ROBO2: variants seen among roughly 807,000 people sequenced by gnomAD.
ROBO2 encodes roundabout guidance receptor 2.
In ROBO2, 53 loss-of-function variants were observed where a neutral mutation model predicts 160.8. That is an observed-to-expected ratio of 0.33 (90% CI 0.26 to 0.41). ROBO2 has a LOEUF of 0.41. Ranked by LOEUF, ROBO2 falls within the 10% of genes least tolerant of loss-of-function variation. The pLI is 1.00. For missense variants in ROBO2, 1,577 were observed against 1,722.4 expected (o/e 0.92, Z 1.49); for synonymous variants, 664 against 611.7 (o/e 1.09, Z -1.26).
At chr3:77,545,584 G>T (rs1321694921) in intron 6 of ROBO2, among the ~76,000 whole-genome samples, 1 of 152,020 alleles carries the variant, frequency 6.6e-6, no homozygotes, top group Admixed American at 6.6e-5. Context: ...TTTTGTCATT[G>T]TCATTGTGTT....
At chr3:75,982,616 A>G (rs569390628) in intron 2 of ROBO2, among the ~76,000 whole-genome samples, 4 of 151,506 alleles carry the variant, frequency 2.6e-5, no homozygotes, top group Admixed American at 6.6e-5. Flanking sequence ...ATTTTACAGT[A>G]GAAGAAAATA....
intron 2 of ROBO2, among the ~76,000 whole-genome samples, chr3:77,252,995 C>A (rs1160486127): frequency 1.3e-5 from 2 of 150,656 alleles, no homozygotes; most frequent in Non-Finnish European, 3.0e-5. Context: ...TATGGATGTC[C>A]CAAAGTTAAC....
intron 2 of ROBO2, among the ~76,000 whole-genome samples, chr3:76,896,349 G>A (rs573158011): frequency 2.6e-4 from 40 of 151,866 alleles, no homozygotes; most frequent in Non-Finnish European, 5.6e-4. Flanking sequence ...CTCAATCTTT[G>A]AGCTCTTCAT....
At chr3:76,297,081 C>G (rs752623051) in intron 2 of ROBO2, among the ~76,000 whole-genome samples, 5 of 152,178 alleles carry the variant, frequency 3.3e-5, no homozygotes, top group Non-Finnish European at 4.4e-5. Flanking sequence ...TCTTCCTACT[C>G]TTCAGTTAGT....
chr3:77,183,628 T>C (rs1337496120), intron 2 of ROBO2, among the ~76,000 whole-genome samples: 6 of 152,022 alleles, frequency 3.9e-5, no homozygotes. Context: ...TGAAACAATA[T>C]ATTTCTTTTG....
intron 2 of ROBO2, among the ~76,000 whole-genome samples, chr3:76,076,160 T>C (rs1275466750): frequency 6.6e-6 from 1 of 152,218 alleles, no homozygotes; most frequent in Non-Finnish European, 1.5e-5. Context: ...GGGGTTTGAA[T>C]GTCGTTTACT....
intron 2 of ROBO2, among the ~76,000 whole-genome samples, chr3:76,701,273 A>G (rs543222129): frequency 6.6e-6 from 1 of 152,234 alleles, no homozygotes; most frequent in African/African-American, 2.4e-5. Context: ...GCATAATCAA[A>G]AGTAATTTTG....
rs73841060 is a variant in ROBO2, at chr3:75,971,650, C to A, written c.109+34048C>A. Among the ~76,000 whole-genome samples the A allele has an allele frequency of 7.0e-3, 1,053 of 151,394 alleles. 16 individuals carry two copies. The highest frequency in any genetic ancestry group is 0.024 in the African/African-American group (975 of 41,422). ...TAAAAATTAGCTATTTTTTGAAGTA[C>A]AAATTCTAATAAATTCTATAACTTT... is the stretch of plus-strand genomic sequence containing the variant. On this transcript the variant is annotated intron_variant, in intron 2 of 26. Coordinates refer to the ROBO2 transcript ENST00000487694.
At chr3:76,636,846 A>G (rs769034549) in intron 2 of ROBO2, among the ~76,000 whole-genome samples, 22 of 70,674 alleles carry the variant, frequency 3.1e-4, no homozygotes, top group Non-Finnish European at 6.8e-4. Flanking sequence ...GCAGGGTGAC[A>G]ATAGGTGATT....
intron 2 of ROBO2, among the ~76,000 whole-genome samples, chr3:77,132,678 A>G (rs1345469044): frequency 6.6e-6 from 1 of 151,724 alleles, no homozygotes; most frequent in African/African-American, 2.4e-5. Flanking sequence ...AAGAGTCACT[A>G]CATCTCTTTT....
chr3:77,311,972 G>T lies in ROBO2; in HGVS notation c.389-165442G>T, dbSNP rs950755734. Among the ~76,000 whole-genome samples the T allele has an allele frequency of 1.4e-4, 22 of 152,142 alleles. No homozygotes were observed. The East Asian group carries it at 4.3e-3, about 29-fold the overall frequency. ...GTGACGGTGCATACCTGTAATCCCA[G>T]CTACTGGGGAGGCTGAGGCAGGAGA... On this transcript the variant is annotated intron_variant, in intron 2 of 25. Coordinates refer to ENST00000461745, the Ensembl canonical transcript of ROBO2.
intron 2 of ROBO2, among the ~76,000 whole-genome samples, chr3:76,273,339 G>T (rs1350429705): frequency 6.6e-6 from 1 of 151,408 alleles, no homozygotes; most frequent in Non-Finnish European, 1.5e-5. Flanking sequence ...CTCAGGAGTA[G>T]GTCATTTTAT....
chr3:77,620,789 T>A (rs1476124298), intron 22 of ROBO2, among the ~76,000 whole-genome samples: 2 of 152,196 alleles, frequency 1.3e-5, no homozygotes, highest in Non-Finnish European at 2.9e-5. Flanking sequence ...TTTCCCCAAA[T>A]CATGCAAATG....
chr3:76,709,092 G>A (rs137914132), intron 2 of ROBO2, among the ~76,000 whole-genome samples: 449 of 152,252 alleles, frequency 2.9e-3, no homozygotes, highest in Admixed American at 5.4e-3. Flanking sequence ...CTAAATCTGA[G>A]CTCTCTATGA....
chr3:77,564,028 G>A (rs1368982066), intron 11 of ROBO2, among the ~76,000 whole-genome samples: 3 of 152,062 alleles, frequency 2.0e-5, no homozygotes, highest in South Asian at 2.1e-4. Context: ...GTGCTTCTAC[G>A]TGACAGTATA....
In ROBO2 at chr3:76,275,991, A is replaced by G. The variant is rs953613589; in HGVS notation, c.109+338389A>G. ...ATTTTAATTAAAAATCAAATATACA[A>G]TTTAAATACATAAAGGGATGCTGAT... On this transcript the variant is annotated intron_variant, in intron 2 of 26. Transcript: ENST00000487694. Among the ~76,000 whole-genome samples, 9 of 152,174 alleles carry G rather than the reference A, an allele frequency of 5.9e-5. No homozygotes were observed. In the East Asian group the frequency reaches 1.7e-3, roughly 29 times the overall value.
chr3:76,385,097 C>G (rs1271172182), intron 2 of ROBO2, among the ~76,000 whole-genome samples: 1 of 152,122 alleles, frequency 6.6e-6, no homozygotes, highest in African/African-American at 2.4e-5. Flanking sequence ...CAGGCTCAAA[C>G]TATCCTTCCA....
At chr3:77,238,992 T>C (rs757110429) in intron 2 of ROBO2, among the ~76,000 whole-genome samples, 19 of 152,110 alleles carry the variant, frequency 1.2e-4, no homozygotes, top group Non-Finnish European at 8.8e-5. Context: ...AATACCAAAA[T>C]CTGCAGATGC....
chr3:76,830,137 A>G (rs1478650370), intron 2 of ROBO2, among the ~76,000 whole-genome samples: 1 of 152,224 alleles, frequency 6.6e-6, no homozygotes, highest in South Asian at 2.1e-4. Flanking sequence ...AGATTTTACA[A>G]TGGTTTCCAG....
Sources: allele counts gnomAD v4.1 joint callset (sites outside exome capture counted in the v4.1 genomes callset), GRCh38; gene constraint gnomAD v4.1.1; transcripts MANE v1.5; gene names NCBI Gene and HGNC (gene_info 2026-07-23, HGNC 2026-07-21).